Variants in CFAP20DC observed in about 807,000 individuals in gnomAD.
The protein encoded by CFAP20DC is protein CFAP20DC.
In CFAP20DC, 84 loss-of-function variants were observed where a neutral mutation model predicts 101.7. The observed-to-expected ratio is 0.83, with a 90% CI of 0.69 to 0.99. The LOEUF is 0.99. Ranked by LOEUF, CFAP20DC falls within the 50% of genes least tolerant of loss-of-function variation. The pLI, the probability that CFAP20DC is intolerant of heterozygous loss-of-function variation, is 0.00. For synonymous variants in CFAP20DC, 359 were observed against 351.2 expected (o/e 1.02, Z -0.25); for missense variants, 1,007 against 970.3 (o/e 1.04, Z -0.50).
At chr3:59,016,293 G>C (rs1168732358) in intron 4 of CFAP20DC, among the ~76,000 whole-genome samples, 2 of 152,104 alleles carry the variant, frequency 1.3e-5, no homozygotes, top group Non-Finnish European at 2.9e-5. Flanking sequence ...AGTGAACTAA[G>C]TGACAACAGA....
chr3:58,999,207 G>A (rs976044303), intron 4 of CFAP20DC, among the ~76,000 whole-genome samples: 1 of 152,300 alleles, frequency 6.6e-6, no homozygotes, highest in Non-Finnish European at 1.5e-5. Flanking sequence ...ACTTGAACAA[G>A]GTCAGTGGAA....
chr3:58,808,304 C>T (rs1025133670), intron 14 of CFAP20DC, among the ~76,000 whole-genome samples: 2 of 152,152 alleles, frequency 1.3e-5, no homozygotes, highest in African/African-American at 2.4e-5. Flanking sequence ...ATGTTAAGGG[C>T]AGCCAGAGAG....
intron 3 of CFAP20DC, among the ~76,000 whole-genome samples, chr3:58,719,681 G>A (rs187897903): frequency 2.6e-5 from 4 of 152,312 alleles, no homozygotes; most frequent in African/African-American, 9.6e-5. Context: ...GTCCGCCTGT[G>A]TCTCCCAAGA....
Position 58,721,272 on chromosome 3 carries a change from G to A in CFAP20DC, c.198-3644C>T, listed in dbSNP as rs543345860. The stretch of plus-strand genomic sequence containing the variant: ...CACGTTTATTAAACACCTTATCTGG[G>A]CCAGGGATTGTGTACTTCTGGGTGC... On this transcript the variant is annotated intron_variant, in intron 3 of 3. Coordinates refer to the CFAP20DC transcript ENST00000486145. This position sits in a 1 kb window ranked among gnomAD's most constrained non-coding sequence, Gnocchi z 5.2. Among the ~76,000 whole-genome samples, 4 of 152,244 alleles carry A rather than the reference G, an allele frequency of 2.6e-5. No individual in the cohort carries two copies. In the South Asian group the frequency reaches 8.3e-4, roughly 32 times the overall value.
chr3:58,996,716 T>C (rs527617066), intron 4 of CFAP20DC, among the ~76,000 whole-genome samples: 4 of 152,360 alleles, frequency 2.6e-5, no homozygotes, highest in African/African-American at 9.6e-5. Context: ...AAACATTTTT[T>C]TCCTAGCAAG....
In CFAP20DC at chr3:58,868,820, T is replaced by A. The variant is rs1483963899; in HGVS notation, c.1015+508A>T. Among the ~76,000 whole-genome samples the A allele has an allele frequency of 6.6e-6, 1 of 152,236 alleles. No homozygotes were observed. The highest frequency in any genetic ancestry group is 2.4e-5 in the African/African-American group (1 of 41,476). ...GAATTCTAAGTCTTGGGTTCTGGTC[T>A]AAATTATTTCTAAAGGTTACAAACT... is the stretch of plus-strand genomic sequence containing the variant. On this transcript the variant is annotated intron_variant, in intron 9 of 16. Coordinates refer to ENST00000482387, the MANE Select transcript of CFAP20DC (RefSeq NM_001394063.1). This position sits in a 1 kb window ranked among gnomAD's most constrained non-coding sequence, Gnocchi z 4.6.
intron 15 of CFAP20DC, among the ~76,000 whole-genome samples, chr3:58,762,943 T>C (rs1471284900): frequency 3.3e-5 from 5 of 152,238 alleles, no homozygotes; most frequent in African/African-American, 4.8e-5. Context: ...GTGGCTAACC[T>C]GACCTTTCTC....
chr3:58,816,099 G>T lies in CFAP20DC; in HGVS notation c.2176-9643C>A, dbSNP rs1349498154. ...GGCATTATTCACAATAGCAAAGACT[G>T]GGAACCAACCCAAATGTCCAACAAT... On this transcript the variant is annotated intron_variant, in intron 14 of 16. Coordinates refer to ENST00000482387, the MANE Select transcript of CFAP20DC (RefSeq NM_001394063.1). Among the ~76,000 whole-genome samples the T allele has an allele frequency of 5.3e-5, 8 of 151,826 alleles. 1 individual carries two copies. The highest frequency in any genetic ancestry group is 2.1e-4 in the South Asian group (1 of 4,810).
chr3:59,034,269 A>G (rs185650955), intron 4 of CFAP20DC, among the ~76,000 whole-genome samples: 38 of 152,350 alleles, frequency 2.5e-4, no homozygotes, highest in African/African-American at 8.4e-4. Context: ...CATTGACACT[A>G]TGAAGAAATT....
chr3:58,758,172 T>C (rs368685152), intron 15 of CFAP20DC, among the ~76,000 whole-genome samples: 2 of 152,312 alleles, frequency 1.3e-5, no homozygotes, highest in African/African-American at 4.8e-5. Flanking sequence ...TATTTTACTT[T>C]ATGTATGTTT....
At chr3:58,908,438 A>C (rs969687103) in intron 6 of CFAP20DC, among the ~76,000 whole-genome samples, 2 of 152,212 alleles carry the variant, frequency 1.3e-5, no homozygotes, top group African/African-American at 4.8e-5. Context: ...TACTAAGATC[A>C]TACTAAAAAG....
intron 4 of CFAP20DC, among the ~76,000 whole-genome samples, chr3:58,974,107 G>C: frequency 6.6e-6 from 1 of 152,080 alleles, no homozygotes; most frequent in Non-Finnish European, 1.5e-5. Context: ...GTGGAAGGGA[G>C]GATTTTTCTT....
chr3:58,805,958 C>T (rs988622751), intron 15 of CFAP20DC, among the ~76,000 whole-genome samples: 2 of 152,058 alleles, frequency 1.3e-5, no homozygotes, highest in Non-Finnish European at 2.9e-5. Flanking sequence ...AATTTAAGGG[C>T]ACCAGATGAT....
intron 15 of CFAP20DC, among the ~76,000 whole-genome samples, chr3:58,779,425 C>T (rs1054295246): frequency 1.3e-5 from 2 of 152,078 alleles, no homozygotes; most frequent in African/African-American, 4.8e-5. Context: ...AACAAGGTCA[C>T]TGTAATGATA....
chr3:59,040,754 T>C (rs547087640), intron 3 of CFAP20DC, among the ~76,000 whole-genome samples: 2 of 152,074 alleles, frequency 1.3e-5, no homozygotes, highest in Non-Finnish European at 2.9e-5. Flanking sequence ...CCTGAACAAC[T>C]TATAACAGTT....
chr3:58,946,156 A>C (rs1576431628), intron 4 of CFAP20DC, among the ~76,000 whole-genome samples: 2 of 116,430 alleles, frequency 1.7e-5, no homozygotes, highest in Admixed American at 1.0e-4. Context: ...TCACTTTGTC[A>C]CCCAGGCTGG....
chr3:58,878,393 T>C (rs2108599882), intron 7 of CFAP20DC, among the ~76,000 whole-genome samples: 1 of 152,316 alleles, frequency 6.6e-6, no homozygotes, highest in Middle Eastern at 3.4e-3. Context: ...AGTTAGGATA[T>C]TTAGACAAGA....
chr3:58,890,572 C>T (rs866849806), intron 6 of CFAP20DC, among the ~76,000 whole-genome samples: 3 of 151,344 alleles, frequency 2.0e-5, no homozygotes, highest in East Asian at 2.0e-4. Context: ...GGGCTGACCC[C>T]CCCACCTCCC....
chr3:58,720,626 A>G (rs570143990), intron 3 of CFAP20DC, among the ~76,000 whole-genome samples: 4 of 152,292 alleles, frequency 2.6e-5, no homozygotes, highest in Admixed American at 2.6e-4. Context: ...GCTTTGAGGA[A>G]TTTGGAAACA....
Sources: gnomAD v4.1 joint callset for allele counts (sites outside exome capture counted in the v4.1 genomes callset) on GRCh38, gnomAD v4.1.1 for gene constraint, Gnocchi (gnomAD v3.1) non-coding constraint, MANE v1.5 for transcripts, NCBI Gene and HGNC (gene_info 2026-07-23, HGNC 2026-07-21) for gene names.